FADS2: variants seen among roughly 807,000 people sequenced by gnomAD.
FADS2 encodes acyl-CoA 6-desaturase.
A neutral mutation model predicts 61.2 loss-of-function variants in FADS2; 18 were observed. The observed-to-expected ratio is 0.29, with a 90% CI of 0.20 to 0.44. The LOEUF (loss-of-function observed/expected upper bound fraction) is 0.44, where lower values mean the gene tolerates loss of function less well. Among genes scored for constraint, FADS2 ranks in the 20% least tolerant of loss-of-function variants. The pLI, the probability that FADS2 is intolerant of heterozygous loss-of-function variation, is 1.00. For missense variants in FADS2, 322 were observed against 572.7 expected (o/e 0.56, Z 4.47); for synonymous variants, 203 against 223.9 (o/e 0.91, Z 0.83).
chr11:61,833,208 C>T (rs2067142980), intron 1 of FADS2, among the ~76,000 whole-genome samples: 1 of 152,214 alleles, frequency 6.6e-6, no homozygotes. Flanking sequence ...AATCCTTTCT[C>T]TTCCCCATGT....
intron 5 of FADS2, among the ~76,000 whole-genome samples, chr11:61,853,514 G>A (rs984752994): frequency 2.6e-5 from 4 of 151,966 alleles, no homozygotes; most frequent in Admixed American, 6.6e-5. Flanking sequence ...TTTCTGAGGG[G>A]GCTGGTGAGA....
intron 5 of FADS2, among the ~76,000 whole-genome samples, chr11:61,850,372 T>G (rs2067295472): frequency 6.6e-6 from 1 of 152,140 alleles, no homozygotes; most frequent in Non-Finnish European, 1.5e-5. Context: ...TGCCTCAGCC[T>G]CCCGAGTAGA....
At chr11:61,824,967 C>T (rs1345555259), upstream of FADS2, among the ~76,000 whole-genome samples, 1 of 151,818 alleles carries the variant, frequency 6.6e-6, no homozygotes, top group Non-Finnish European at 1.5e-5. Flanking sequence ...CTGAGGTGGG[C>T]AGATCACGAG....
In FADS2 at chr11:61,816,591, G is replaced by A; in HGVS notation, c.141+165G>A. Reference sequence around the variant, plus strand: ...GCCCGGCGTAGTGGCTGATGACCCGGGAGCCCCCTGGATGCCGGCGGGTGA... The same window carrying A: ...GCCCGGCGTAGTGGCTGATGACCCGAGAGCCCCCTGGATGCCGGCGGGTGA... On this transcript the variant is annotated intron_variant, in intron 1 of 11. Coordinates refer to the FADS2 transcript ENST00000257261. This position sits in a 1 kb window ranked among gnomAD's most constrained non-coding sequence, Gnocchi z 7.0. The A allele has an allele frequency of 1.2e-6, 2 of 1,609,846 alleles. No homozygotes were observed. The highest frequency in any genetic ancestry group is 1.7e-6 in the Non-Finnish European group (2 of 1,178,832).
chr11:61,856,268 A>G (rs1004436521), intron 5 of FADS2: 4 of 152,256 alleles, frequency 2.6e-5, no homozygotes, highest in Non-Finnish European at 5.9e-5. Context: ...GACCCAGCCC[A>G]GCCCTCCTCC....
intron 4 of FADS2, 76 bp downstream of exon 4, chr11:61,840,801 C>T: frequency 8.8e-7 from 1 of 1,132,450 alleles, no homozygotes; most frequent in East Asian, 2.3e-5. Context: ...CCTCTCTGCT[C>T]AGTGCTCTGA....
chr11:61,820,885 G>GAA (rs2135947134), intron 1 of FADS2, among the ~76,000 whole-genome samples: 1 of 152,232 alleles, frequency 6.6e-6, no homozygotes, highest in South Asian at 2.1e-4. Context: ...GGGTGACAGA[G>GAA]CCAGACTCTG....
upstream of FADS2, among the ~76,000 whole-genome samples, chr11:61,824,488 G>GAAAGAAATAA (rs1460124325): frequency 3.7e-5 from 2 of 54,256 alleles, 1 homozygote; most frequent in Non-Finnish European, 6.7e-5. Context: ...GAGAGAGAGA[G>GAAAGAAATAA]AGAAAGAAAG....
chr11:61,816,621 G>A lies in FADS2; in HGVS notation c.141+195G>A, dbSNP rs1591157594. Reference sequence around the variant, plus strand: ...CCCCTGGATGCCGGCGGGTGAACTCGCTGATGTTGTACACCTTACGGTCGA... The same window carrying A: ...CCCCTGGATGCCGGCGGGTGAACTCACTGATGTTGTACACCTTACGGTCGA... On this transcript the variant is annotated intron_variant, in intron 1 of 11. Coordinates refer to the FADS2 transcript ENST00000257261. The surrounding 1 kb of genome is among the most constrained non-coding windows in gnomAD (Gnocchi z 7.0). 3 of 1,602,778 alleles carry A rather than the reference G, an allele frequency of 1.9e-6. No individual in the cohort carries two copies. The highest frequency in any genetic ancestry group is 2.6e-6 in the Non-Finnish European group (3 of 1,175,490).
At chr11:61,824,437 AGG>A (rs1565325181), upstream of FADS2, among the ~76,000 whole-genome samples, 41 of 4,560 alleles carry the variant, frequency 9.0e-3, 2 homozygotes, top group East Asian at 0.08. Context: ...AGAGAGAGGG[AGG>A]GAGGGAGGGA....
At chr11:61,830,435 A>G (rs1465981508) in intron 1 of FADS2, among the ~76,000 whole-genome samples, 1 of 152,234 alleles carries the variant, frequency 6.6e-6, no homozygotes, top group Non-Finnish European at 1.5e-5. Flanking sequence ...CTCAGTGCTT[A>G]CCTGACCTTA....
rs186701939 is a variant in FADS2 at position 61,864,600 on chromosome 11, G to A, written c.1158-552G>A. On this transcript the variant is annotated intron_variant, in intron 10 of 11. Coordinates refer to ENST00000278840, the MANE Select transcript of FADS2 (RefSeq NM_004265.4). ...AGTGGAGACGGGGTTTCACCATGTT[G>A]GCCAGGCTGGTCTCAAACTCCTAGC... Among the ~76,000 whole-genome samples the A allele has an allele frequency of 4.2e-3, 641 of 151,766 alleles. 3 individuals are homozygous for A. Among genetic ancestry groups the A allele is most frequent in the Non-Finnish European group, 6.4e-3 (436 of 67,968 alleles).
In FADS2 at chr11:61,828,524, A is replaced by G; in HGVS notation, c.134A>G (p.Asn45Ser). ...CTGGTCATTGACCGCAAGGTTTACA[A>G]CATCACCAAATGGTCCATCCAGCAC... ...RWLVIDRKVY[N>S]ITKWSIQHPG... The change falls in exon 1 of 12, where the codon AAC becomes AGC. Residue 45 changes from asparagine to serine, a missense_variant. Coordinates refer to ENST00000278840, the MANE Select transcript of FADS2 (RefSeq NM_004265.4). This position sits in a 1 kb window ranked among gnomAD's most constrained non-coding sequence, Gnocchi z 6.4. 1 of 1,613,934 alleles carries G rather than the reference A, an allele frequency of 6.2e-7. No homozygotes were observed. The highest frequency in any genetic ancestry group is 8.5e-7 in the Non-Finnish European group (1 of 1,179,998).
upstream of FADS2, among the ~76,000 whole-genome samples, chr11:61,823,406 G>A (rs1476968815): frequency 1.3e-5 from 2 of 152,232 alleles, no homozygotes; most frequent in Non-Finnish European, 2.9e-5. Context: ...TATCTGTAAA[G>A]TGAAGAGATT....
At chr11:61,863,874 G>A (rs1565338120) in intron 10 of FADS2, 88 bp downstream of exon 10, 1 of 1,062,884 alleles carries the variant, frequency 9.4e-7, no homozygotes, top group East Asian at 2.4e-5. Context: ...GAATGTGGGG[G>A]CCACCTCTTT....
Position 61,854,000 on chromosome 11 carries a change from C to T in FADS2, c.745-3011C>T, listed in dbSNP as rs532086529. Among the ~76,000 whole-genome samples the T allele has an allele frequency of 2.2e-3, 333 of 152,334 alleles. 1 individual carries two copies. Among genetic ancestry groups the T allele is most frequent in the African/African-American group, 7.6e-3 (315 of 41,564 alleles). On this transcript the variant is annotated intron_variant, in intron 5 of 11. Coordinates refer to ENST00000278840, the MANE Select transcript of FADS2 (RefSeq NM_004265.4). ...AGAGGCCGAGGACAGGAGAGTCAGC[C>T]CCGCCGCCAGGGCTGGCTGCACTCC...
At chr11:61,824,400 GA>G (rs2067054614), upstream of FADS2, among the ~76,000 whole-genome samples, 2 of 3,610 alleles carry the variant, frequency 5.5e-4, no homozygotes, top group Non-Finnish European at 2.4e-3. Context: ...AAAAAAGAGA[GA>G]GAGAGAGAGA....
chr11:61,838,069 C>T (rs1591168779), intron 2 of FADS2, among the ~76,000 whole-genome samples, 181 bp downstream of exon 2: 2 of 152,218 alleles, frequency 1.3e-5, no homozygotes, highest in South Asian at 2.1e-4. Flanking sequence ...CCCTGGGAGC[C>T]GGGGTTTGAC....
Position 61,853,290 on chromosome 11 carries a change from CCCTTCCTTCCTTCCTT to C in FADS2, c.745-3692_745-3677del, listed in dbSNP as rs59872671. On this transcript the variant is annotated intron_variant, in intron 5 of 11. Transcript: ENST00000278840. ...CCCTCCCTCCCTTCCCTCCCTCCCT[CCCTTCCTTCCTTCCTT>C]CCTTCCTTCCTTCCTTCCTTCCTTC... Among the ~76,000 whole-genome samples, 137 of 81,746 alleles carry C rather than the reference CCCTTCCTTCCTTCCTT, an allele frequency of 1.7e-3. 3 individuals are homozygous for C. Among genetic ancestry groups the C allele is most frequent in the African/African-American group, 8.0e-3 (130 of 16,346 alleles). The allele number at this position is 81,746 out of a possible 152,430, so 53.6% of individuals were successfully genotyped here.
Sources: gnomAD v4.1 joint callset for allele counts (sites outside exome capture counted in the v4.1 genomes callset) on GRCh38, gnomAD v4.1.1 for gene constraint, Gnocchi (gnomAD v3.1) non-coding constraint, MANE v1.5 for transcripts, NCBI Gene and HGNC (gene_info 2026-07-23, HGNC 2026-07-21) for gene names.